The following CAPZB variants were observed in gnomAD, a reference collection of about 807,000 sequenced individuals.
CAPZB encodes F-actin-capping protein subunit beta.
A neutral mutation model predicts 38.1 loss-of-function variants in CAPZB; 2 were observed. The observed-to-expected ratio is 0.05, with a 90% CI of 0.02 to 0.17. CAPZB has a LOEUF of 0.17. Among genes scored for constraint, CAPZB ranks in the 10% least tolerant of loss-of-function variants. CAPZB has a pLI of 1.00. For missense variants in CAPZB, 161 were observed against 334.2 expected (o/e 0.48, Z 4.04); for synonymous variants, 107 against 127.4 (o/e 0.84, Z 1.08).
At chr1:19,386,267 C>G (rs1363495845) in intron 2 of CAPZB, among the ~76,000 whole-genome samples, 1 of 152,198 alleles carries the variant, frequency 6.6e-6, no homozygotes, top group Non-Finnish European at 1.5e-5. Flanking sequence ...GCTGGCAGGA[C>G]TCAAACTCTG....
chr1:19,440,143 T>G (rs545889421), intron 1 of CAPZB, among the ~76,000 whole-genome samples: 1 of 152,230 alleles, frequency 6.6e-6, no homozygotes, highest in East Asian at 1.9e-4. Flanking sequence ...ATACCTTTGT[T>G]TTTCTTTTCT....
At chr1:19,471,647 A>G (rs201247841) in intron 1 of CAPZB, among the ~76,000 whole-genome samples, 81 of 152,168 alleles carry the variant, frequency 5.3e-4, no homozygotes, top group Middle Eastern at 3.4e-3. Context: ...GGCAGATCAC[A>G]AGGTCAGGAG....
chr1:19,341,603 G>T (rs545017662), intron 8 of CAPZB, among the ~76,000 whole-genome samples: 1 of 152,238 alleles, frequency 6.6e-6, no homozygotes, highest in Non-Finnish European at 1.5e-5. Context: ...CTCTGTGGGA[G>T]GGAGGAGTCA....
chr1:19,437,686 C>T (rs774224992), intron 1 of CAPZB, among the ~76,000 whole-genome samples: 1 of 152,152 alleles, frequency 6.6e-6, no homozygotes, highest in African/African-American at 2.4e-5. Context: ...AAGCTAGGAA[C>T]ACACCTCCCC....
At chr1:19,448,966 G>A (rs1235625602) in intron 1 of CAPZB, 2 of 1,608,430 alleles carry the variant, frequency 1.2e-6, no homozygotes, top group African/African-American at 2.7e-5. Context: ...GGGAGGCGAG[G>A]GGGCAAGAGG....
At chr1:19,390,096 T>C (rs1210077815) in intron 2 of CAPZB, among the ~76,000 whole-genome samples, 2 of 152,246 alleles carry the variant, frequency 1.3e-5, no homozygotes, top group African/African-American at 2.4e-5. Flanking sequence ...TCTGAGGCCA[T>C]ATTACAGAAC....
At chr1:19,448,464 T>TA (rs2094503583) in intron 1 of CAPZB, among the ~76,000 whole-genome samples, 1 of 152,224 alleles carries the variant, frequency 6.6e-6, no homozygotes, top group Non-Finnish European at 1.5e-5. Flanking sequence ...AGCCCAGAGG[T>TA]AAAAACTCAC....
At chr1:19,393,738 C>G (rs561414280) in intron 2 of CAPZB, among the ~76,000 whole-genome samples, 2 of 152,346 alleles carry the variant, frequency 1.3e-5, no homozygotes, top group South Asian at 4.1e-4. Context: ...CCCAAGGTGC[C>G]TGGGGTCGCC....
intron 1 of CAPZB, among the ~76,000 whole-genome samples, chr1:19,461,369 T>A (rs2094551441): frequency 6.6e-6 from 1 of 152,208 alleles, no homozygotes; most frequent in African/African-American, 2.4e-5. Context: ...AGGCTCTGCC[T>A]CCTTCTCTCT....
At chr1:19,348,612 GA>G in intron 6 of CAPZB, among the ~76,000 whole-genome samples, 1 of 152,254 alleles carries the variant, frequency 6.6e-6, no homozygotes, top group African/African-American at 2.4e-5. Flanking sequence ...GTAGATGGCA[GA>G]GGGGGGACCG....
intron 2 of CAPZB, among the ~76,000 whole-genome samples, chr1:19,413,264 A>T (rs903604218): frequency 2.6e-5 from 4 of 152,256 alleles, no homozygotes; most frequent in Non-Finnish European, 5.9e-5. Flanking sequence ...CCTGACTTCC[A>T]GGAGGTGCTC....
At chr1:19,442,037 G>A (rs561102699) in intron 1 of CAPZB, among the ~76,000 whole-genome samples, 2 of 147,592 alleles carry the variant, frequency 1.4e-5, no homozygotes, top group African/African-American at 5.0e-5. Flanking sequence ...AAGCACAGGA[G>A]AGGTATCCAC....
At chr1:19,445,994 C>G (rs2094494614) in intron 1 of CAPZB, among the ~76,000 whole-genome samples, 1 of 152,218 alleles carries the variant, frequency 6.6e-6, no homozygotes, top group South Asian at 2.1e-4. Flanking sequence ...GTAGCAGGAA[C>G]AGAGGAAGCT....
At chr1:19,397,649 A>T (rs1432066231) in intron 2 of CAPZB, among the ~76,000 whole-genome samples, 1 of 152,240 alleles carries the variant, frequency 6.6e-6, no homozygotes, top group Non-Finnish European at 1.5e-5. Context: ...GTACAGCATC[A>T]AGACCTAATT....
chr1:19,440,717 A>T (rs2094473094), intron 1 of CAPZB, among the ~76,000 whole-genome samples: 1 of 152,220 alleles, frequency 6.6e-6, no homozygotes, highest in Admixed American at 6.5e-5. Context: ...GACTTACTCC[A>T]GTTCATCCTG....
At chr1:19,342,814 TC>T (rs1242735071) in intron 8 of CAPZB, 1 of 1,612,408 alleles carries the variant, frequency 6.2e-7, no homozygotes. Context: ...TTGAGAGAGC[TC>T]CCTCTGCAAC....
chr1:19,431,615 G>C (rs1034472042), intron 1 of CAPZB, among the ~76,000 whole-genome samples: 7 of 152,134 alleles, frequency 4.6e-5, no homozygotes, highest in African/African-American at 1.7e-4. Context: ...CAGCTACTTG[G>C]GAGGCTGAGG....
rs1217475419 is a variant in CAPZB, at chr1:19,440,985, G to A, written c.4-21235C>T. 6.6e-5 allele frequency among the ~76,000 whole-genome samples: 10 copies of A among 152,254 alleles called. No homozygotes were observed. The East Asian group carries it at 7.7e-4, about 12-fold the overall frequency. ...TGAGGCAGGAGAATGGCGTGAACCC[G>A]GGAGGCGGAGCTTGCAGTGAGCTGA... On this transcript the variant is annotated intron_variant, in intron 1 of 8. Transcript: ENST00000264202.
intron 2 of CAPZB, among the ~76,000 whole-genome samples, chr1:19,418,288 G>A (rs2094388711): frequency 6.6e-6 from 1 of 152,040 alleles, no homozygotes; most frequent in Non-Finnish European, 1.5e-5. Flanking sequence ...GAGTAACGAG[G>A]GCAGCTGCTC....
Sources: gnomAD v4.1 joint callset for allele counts (sites outside exome capture counted in the v4.1 genomes callset) on GRCh38, gnomAD v4.1.1 for gene constraint, MANE v1.5 for transcripts, NCBI Gene and HGNC (gene_info 2026-07-23, HGNC 2026-07-21) for gene names.